RAMACL: variants seen among roughly 807,000 people sequenced by gnomAD.
RAMACL encodes the protein RNA guanine-7 methyltransferase activating subunit like.
A neutral mutation model predicts 13.4 loss-of-function variants in RAMACL; 9 were observed. The ratio of observed to expected loss-of-function variants is 0.67; its 90% confidence interval spans 0.41 to 1.17. The LOEUF (loss-of-function observed/expected upper bound fraction) is 1.17. Among genes scored for constraint, RAMACL ranks in the 50% most tolerant of loss-of-function variants. The probability of loss-of-function intolerance (pLI) is 0.01; values close to 1 mark genes in which losing one functional copy is unlikely to be tolerated. For synonymous variants in RAMACL, 39 were observed against 49.3 expected, an observed-to-expected ratio of 0.79 and a Z score of 0.88; for missense variants, 124 against 141.6, an observed-to-expected ratio of 0.88 and a Z score of 0.63.
downstream of RAMACL, among the ~76,000 whole-genome samples, chr6:166,585,023 G>A (rs1323832231): frequency 2.0e-5 from 3 of 152,214 alleles, no homozygotes; most frequent in South Asian, 2.1e-4. Flanking sequence ...GAGAAAACCC[G>A]AGAGCTTCTT....
chr6:166,583,128 G>A (rs930371666), downstream of RAMACL, among the ~76,000 whole-genome samples: 3 of 152,098 alleles, frequency 2.0e-5, no homozygotes, highest in African/African-American at 2.4e-5. Flanking sequence ...AGTTTTACTC[G>A]CATTCGCATA....
At chr6:166,583,698 C>T (rs1337915738), downstream of RAMACL, among the ~76,000 whole-genome samples, 3 of 152,338 alleles carry the variant, frequency 2.0e-5, no homozygotes, top group African/African-American at 4.8e-5. Flanking sequence ...ACAAGACTCA[C>T]AAGACTGTGG....
At chr6:166,585,224 C>T (rs1427266951), downstream of RAMACL, among the ~76,000 whole-genome samples, 2 of 152,194 alleles carry the variant, frequency 1.3e-5, no homozygotes, top group Non-Finnish European at 2.9e-5. Context: ...GTGAGTGACT[C>T]GGGGCTGGGA....
At chr6:166,583,437 GA>G (rs1770166163), downstream of RAMACL, among the ~76,000 whole-genome samples, 1 of 152,214 alleles carries the variant, frequency 6.6e-6, no homozygotes, top group African/African-American at 2.4e-5. Flanking sequence ...GCACAGAGGC[GA>G]AAACCAATGG....
downstream of RAMACL, among the ~76,000 whole-genome samples, chr6:166,585,498 C>CTTTTTTTTT (rs58153048): frequency 9.3e-5 from 8 of 86,302 alleles, no homozygotes; most frequent in Non-Finnish European, 9.8e-5. Flanking sequence ...TCAAACAAGT[C>CTTTTTTTTT]TTTTTTTTTT....
At chr6:166,583,826 G>A (rs531442104), downstream of RAMACL, among the ~76,000 whole-genome samples, 10 of 152,314 alleles carry the variant, frequency 6.6e-5, no homozygotes, top group South Asian at 1.0e-3. Context: ...TGGTTCTCAC[G>A]TTTTTCTACA....
chr6:166,584,849 C>T (rs569615774), downstream of RAMACL, among the ~76,000 whole-genome samples: 1 of 152,264 alleles, frequency 6.6e-6, no homozygotes, highest in Non-Finnish European at 1.5e-5. Flanking sequence ...CAATATTGGT[C>T]CAGAAACTCA....
chr6:166,583,632 G>A (rs1040099555), downstream of RAMACL, among the ~76,000 whole-genome samples: 4 of 152,186 alleles, frequency 2.6e-5, no homozygotes, highest in Non-Finnish European at 4.4e-5. Flanking sequence ...ATTAAAAACC[G>A]AAGCTAAGCC....
downstream of RAMACL, among the ~76,000 whole-genome samples, chr6:166,583,829 T>A (rs925523886): frequency 2.0e-5 from 3 of 152,220 alleles, no homozygotes; most frequent in African/African-American, 7.2e-5. Context: ...TTCTCACGTT[T>A]TTCTACAGCA....
At chr6:166,585,498 CTTT>C (rs58153048), downstream of RAMACL, among the ~76,000 whole-genome samples, 13 of 86,304 alleles carry the variant, frequency 1.5e-4, 1 homozygote, top group East Asian at 6.6e-4. Flanking sequence ...TCAAACAAGT[CTTT>C]TTTTTTTTTT....
chr6:166,586,148 G>A, exon 1 of RAMACL: 17 of 1,545,458 alleles, frequency 1.1e-5, no homozygotes, highest in Non-Finnish European at 1.4e-5. Flanking sequence ...GAGGCCGCTG[G>A]TTGTAACCAT....
chr6:166,585,607 G>T (rs1583302393), exon 1 of RAMACL, among the ~76,000 whole-genome samples: 1 of 64,862 alleles, frequency 1.5e-5, no homozygotes, highest in Non-Finnish European at 2.3e-5. Flanking sequence ...GAATCACAAA[G>T]TACCATAGTC....
downstream of RAMACL, among the ~76,000 whole-genome samples, chr6:166,585,271 C>T (rs1348881698): frequency 3.3e-5 from 5 of 152,206 alleles, no homozygotes; most frequent in Admixed American, 2.0e-4. Context: ...CTTTCAGTCT[C>T]ACATCTTCAG....
chr6:166,586,519 G>A, exon 1 of RAMACL: 1 of 1,557,774 alleles, frequency 6.4e-7, no homozygotes, highest in East Asian at 2.2e-5. Flanking sequence ...ATTGCTTAAT[G>A]TTTAGGTTGT....
downstream of RAMACL, among the ~76,000 whole-genome samples, chr6:166,583,543 C>G (rs892136204): frequency 1.4e-4 from 22 of 152,252 alleles, no homozygotes; most frequent in African/African-American, 4.1e-4. Context: ...GTCATGTCTA[C>G]ACCAGGGTTC....
chr6:166,585,111 C>T (rs796601443), downstream of RAMACL, among the ~76,000 whole-genome samples: 6 of 152,096 alleles, frequency 3.9e-5, no homozygotes, highest in Admixed American at 1.3e-4. Flanking sequence ...GCAGGAAGCT[C>T]GAGTTTCAAA....
chr6:166,585,491 A>C (rs1785139101), downstream of RAMACL, among the ~76,000 whole-genome samples: 1 of 144,774 alleles, frequency 6.9e-6, no homozygotes, highest in African/African-American at 2.6e-5. Flanking sequence ...CATGACATCA[A>C]ACAAGTCTTT....
At chr6:166,584,113 G>A (rs150708777), downstream of RAMACL, among the ~76,000 whole-genome samples, 1 of 152,306 alleles carries the variant, frequency 6.6e-6, no homozygotes, top group Non-Finnish European at 1.5e-5. Context: ...GGATTGGGTG[G>A]CTTACAAAAC....
chr6:166,584,731 G>A (rs570304223), downstream of RAMACL, among the ~76,000 whole-genome samples: 12 of 152,288 alleles, frequency 7.9e-5, no homozygotes, highest in Non-Finnish European at 1.2e-4. Flanking sequence ...AAGGAGCTAC[G>A]CTGTCATGCC....
Sources: gnomAD v4.1 joint callset for allele counts (sites outside exome capture counted in the v4.1 genomes callset) on GRCh38, gnomAD v4.1.1 for gene constraint, MANE v1.5 for transcripts, NCBI Gene and HGNC (gene_info 2026-07-23, HGNC 2026-07-21) for gene names.